LRP12: variants seen among roughly 807,000 people sequenced by gnomAD.
LRP12 encodes LDL receptor related protein 12.
A neutral mutation model predicts 66.0 loss-of-function variants in LRP12; 14 were observed. The observed-to-expected ratio is 0.21, with a 90% CI of 0.14 to 0.33. The LOEUF (loss-of-function observed/expected upper bound fraction) is 0.33. LRP12 is among the 10% of genes least tolerant of loss of function. The pLI is 1.00. For synonymous variants in LRP12, 357 were observed against 359.1 expected (o/e 0.99, Z 0.07); for missense variants, 889 against 1,053.4 (o/e 0.84, Z 2.16).
intron 1 of LRP12, among the ~76,000 whole-genome samples, chr8:104,546,839 C>G (rs1010565145): frequency 1.3e-5 from 2 of 148,998 alleles, no homozygotes; most frequent in African/African-American, 4.9e-5. Flanking sequence ...GGAGACTGAT[C>G]CCAGGCCCTC....
intron 1 of LRP12, among the ~76,000 whole-genome samples, chr8:104,547,540 T>A (rs1050841988): frequency 7.9e-6 from 1 of 126,660 alleles, no homozygotes; most frequent in Admixed American, 8.8e-5. Flanking sequence ...ATTTTGTATA[T>A]AATATATAAT....
chr8:104,587,253 C>A lies in LRP12; in HGVS notation c.79+1566G>T, dbSNP rs1000847739. 4.6e-5 allele frequency among the ~76,000 whole-genome samples: 7 copies of A among 152,204 alleles called. No individual in the cohort carries two copies. The South Asian group carries it at 1.5e-3, about 32-fold the overall frequency. On this transcript the variant is annotated intron_variant, in intron 1 of 6. Transcript: ENST00000276654. ...TCCTAATCACCCTAAATTAAAGATA[C>A]CTCTCAATTTCTTCTCTCTCCTGGG...
In LRP12 at chr8:104,495,069, C is replaced by T. The variant is rs1810703558; in HGVS notation, c.1713+8G>A. 3 of 1,612,216 alleles carry T rather than the reference C, an allele frequency of 1.9e-6. No homozygotes were observed. Among genetic ancestry groups the T allele is most frequent in the Middle Eastern group, 1.7e-4 (1 of 6,048 alleles). On this transcript the variant is annotated splice_region_variant and intron_variant, in intron 6 of 6. Coordinates refer to ENST00000276654, the MANE Select transcript of LRP12 (RefSeq NM_013437.5). ...GAAATGTAATAGAAATTACACATTG[C>T]AATATACCTGATTAGGTGAACAAAC...
In LRP12 at chr8:104,589,018, G is replaced by A. The variant is rs1164676008; in HGVS notation, c.-121C>T. 5 of 540,740 alleles carry A rather than the reference G, an allele frequency of 9.2e-6. No individual in the cohort carries two copies. In the Admixed American group the frequency reaches 1.4e-4, roughly 16 times the overall value. 33.5% of individuals were successfully genotyped at this position (540,740 alleles called of 1,614,324 possible). ...GCCGCCGAGCCACCGGCTGCTCCCT[G>A]CGCTCTCCGCGGCTGCGGGAGGGGG... On this transcript the variant is annotated 5_prime_UTR_variant, in exon 1 of 7. Coordinates refer to ENST00000276654, the MANE Select transcript of LRP12 (RefSeq NM_013437.5).
chr8:104,570,844 C>G (rs1332759027), intron 1 of LRP12, among the ~76,000 whole-genome samples: 1 of 152,038 alleles, frequency 6.6e-6, no homozygotes, highest in Non-Finnish European at 1.5e-5. Flanking sequence ...GCTACAGATT[C>G]AGAGGGGGGA....
chr8:104,525,374 C>T (rs903052614), intron 2 of LRP12, among the ~76,000 whole-genome samples: 14 of 151,772 alleles, frequency 9.2e-5, no homozygotes, highest in African/African-American at 1.9e-4. Context: ...AGCATCAGAA[C>T]GAGCAAAAAG....
At position 104,548,153 on chromosome 8, in the gene LRP12, TTAA is replaced by T. The variant is rs1251040413; in HGVS notation, c.80-16193_80-16191del. 2.4e-4 allele frequency among the ~76,000 whole-genome samples: 17 copies of T among 70,464 alleles called. No homozygotes were observed. In the East Asian group the frequency reaches 3.8e-3, roughly 16 times the overall value. The allele number at this position is 70,464 out of a possible 152,430, so 46.2% of individuals were successfully genotyped here. On this transcript the variant is annotated intron_variant, in intron 1 of 6. Coordinates refer to ENST00000276654, the MANE Select transcript of LRP12 (RefSeq NM_013437.5). Reference sequence around the variant, plus strand: ...TATATAATTATAATTATATTATATATTAATAATTATTATATATAATATAATATA... The same window carrying T: ...TATATAATTATAATTATATTATATATTAATTATTATATATAATATAATATA...
At chr8:104,549,366 C>T (rs1026895995) in intron 1 of LRP12, among the ~76,000 whole-genome samples, 23 of 150,492 alleles carry the variant, frequency 1.5e-4, no homozygotes, top group Admixed American at 3.3e-4. Context: ...ACTTAGAAAA[C>T]ACTTTATCCT....
intron 2 of LRP12, among the ~76,000 whole-genome samples, chr8:104,527,672 G>A (rs1469606047): frequency 1.3e-5 from 2 of 151,940 alleles, no homozygotes; most frequent in Non-Finnish European, 2.9e-5. Flanking sequence ...TCACACTCTG[G>A]GGACTGTTGT....
At chr8:104,534,654 A>G (rs1811369941) in intron 1 of LRP12, among the ~76,000 whole-genome samples, 1 of 151,996 alleles carries the variant, frequency 6.6e-6, no homozygotes, top group Non-Finnish European at 1.5e-5. Flanking sequence ...CATTTACTCT[A>G]GCTTAAAAAC....
At chr8:104,529,964 T>C (rs1332491168) in intron 2 of LRP12, among the ~76,000 whole-genome samples, 3 of 152,180 alleles carry the variant, frequency 2.0e-5, no homozygotes, top group African/African-American at 7.2e-5. Context: ...CAAAACATGA[T>C]GTTGCAAAAG....
chr8:104,568,232 A>C (rs1812033639), intron 1 of LRP12, among the ~76,000 whole-genome samples: 1 of 152,182 alleles, frequency 6.6e-6, no homozygotes, highest in South Asian at 2.1e-4. Context: ...AAAAGAATGA[A>C]TTTGACCCCT....
At chr8:104,501,682 C>A (rs1191176281) in intron 3 of LRP12, among the ~76,000 whole-genome samples, 1 of 146,198 alleles carries the variant, frequency 6.8e-6, no homozygotes, top group Admixed American at 7.0e-5. Flanking sequence ...CCAGCCTGGG[C>A]GACAGAGCAA....
intron 1 of LRP12, among the ~76,000 whole-genome samples, chr8:104,532,504 T>C (rs1304095335): frequency 6.6e-6 from 1 of 152,188 alleles, no homozygotes. Flanking sequence ...GTAAGCAATG[T>C]CTCTTCAGAT....
rs76691597 is a variant in LRP12 at position 104,583,308 on chromosome 8, A to T, written c.79+5511T>A. 5.3e-3 allele frequency among the ~76,000 whole-genome samples: 805 copies of T among 152,256 alleles called. 9 individuals carry two copies. The highest frequency in any genetic ancestry group is 0.018 in the African/African-American group (768 of 41,552). On this transcript the variant is annotated intron_variant, in intron 1 of 6. Coordinates refer to ENST00000276654, the MANE Select transcript of LRP12 (RefSeq NM_013437.5). ...ATCTCATCCTGTCACTCTCCCTTACAACCATTATGTTCCAGTTACAGTGTT... is the reference window on the plus strand; with the variant it reads ...ATCTCATCCTGTCACTCTCCCTTACTACCATTATGTTCCAGTTACAGTGTT...
chr8:104,580,392 T>C (rs1588512224), intron 1 of LRP12, among the ~76,000 whole-genome samples: 1 of 146,312 alleles, frequency 6.8e-6, no homozygotes, highest in Non-Finnish European at 1.5e-5. Context: ...TAGCCGGGCA[T>C]GGTGGTGGGT....
At chr8:104,537,316 A>T (rs1465383921) in intron 1 of LRP12, among the ~76,000 whole-genome samples, 1 of 152,096 alleles carries the variant, frequency 6.6e-6, no homozygotes, top group Non-Finnish European at 1.5e-5. Context: ...TTAAGACAAC[A>T]ACACAAAAAA....
intron 1 of LRP12, among the ~76,000 whole-genome samples, chr8:104,572,400 T>C (rs1170591553): frequency 1.3e-5 from 2 of 152,196 alleles, no homozygotes; most frequent in Non-Finnish European, 2.9e-5. Context: ...GAGTCAGTTT[T>C]ACTGTATAAT....
chr8:104,573,614 T>A (rs542010396), intron 1 of LRP12, among the ~76,000 whole-genome samples: 1 of 152,272 alleles, frequency 6.6e-6, no homozygotes, highest in East Asian at 1.9e-4. Flanking sequence ...AAATTTTTAA[T>A]TTTTGCTTTC....
Sources: allele counts gnomAD v4.1 joint callset (sites outside exome capture counted in the v4.1 genomes callset), GRCh38; gene constraint gnomAD v4.1.1; transcripts MANE v1.5; gene names NCBI Gene and HGNC (gene_info 2026-07-23, HGNC 2026-07-21).